IQSEC1: variants seen among roughly 807,000 people sequenced by gnomAD.
The protein encoded by IQSEC1 is IQ motif and Sec7 domain ArfGEF 1, also known as IQ motif and SEC7 domain-containing protein 1.
In IQSEC1, 31 loss-of-function variants were observed where a neutral mutation model predicts 91.0. The ratio of observed to expected loss-of-function variants is 0.34; its 90% confidence interval spans 0.26 to 0.46. The LOEUF is 0.46. Among genes scored for constraint, IQSEC1 ranks in the 20% least tolerant of loss-of-function variants. The pLI is 1.00. For synonymous variants in IQSEC1, 699 were observed against 662.6 expected, an observed-to-expected ratio of 1.05 and a Z score of -0.84; for missense variants, 1,388 against 1,575.6, an observed-to-expected ratio of 0.88 and a Z score of 2.02.
intron 1 of IQSEC1, among the ~76,000 whole-genome samples, chr3:13,250,420 CTTT>C (rs1227236271): frequency 1.5e-5 from 2 of 135,554 alleles, no homozygotes; most frequent in Non-Finnish European, 1.6e-5. Flanking sequence ...CCCCACTTTC[CTTT>C]TTTTTTTTTT....
intron 2 of IQSEC1, among the ~76,000 whole-genome samples, chr3:13,104,450 A>G (rs1284855929): frequency 6.6e-6 from 1 of 152,096 alleles, no homozygotes; most frequent in Non-Finnish European, 1.5e-5. Flanking sequence ...TCTGTAGTCT[A>G]TACAAAAATA....
intron 1 of IQSEC1, among the ~76,000 whole-genome samples, chr3:13,269,302 C>T (rs532384552): frequency 1.1e-4 from 16 of 152,308 alleles, no homozygotes; most frequent in Admixed American, 7.8e-4. Context: ...GAGAAGGCAG[C>T]GCTCTCAGTG....
chr3:12,984,133 A>C (rs1345934575), intron 1 of IQSEC1, among the ~76,000 whole-genome samples: 1 of 152,134 alleles, frequency 6.6e-6, no homozygotes, highest in Non-Finnish European at 1.5e-5. Flanking sequence ...TTCTCTCTGA[A>C]ATTCACCAGG....
intron 2 of IQSEC1, among the ~76,000 whole-genome samples, chr3:13,095,231 C>A (rs1457947788): frequency 1.3e-5 from 2 of 152,042 alleles, no homozygotes; most frequent in Non-Finnish European, 2.9e-5. Flanking sequence ...CCCCGTCGTT[C>A]CTGAAGGCCC....
chr3:13,037,424 G>C (rs142621312), intron 1 of IQSEC1, among the ~76,000 whole-genome samples: 1 of 152,182 alleles, frequency 6.6e-6, no homozygotes, highest in African/African-American at 2.4e-5. Context: ...TACTTAGACC[G>C]GGGCATGGCT....
Position 13,269,856 on chromosome 3 carries a change from C to T in IQSEC1, c.272+12855G>A, listed in dbSNP as rs953655619. Among the ~76,000 whole-genome samples the T allele has an allele frequency of 2.6e-5, 4 of 152,244 alleles. No individual in the cohort carries two copies. In the East Asian group the frequency reaches 7.7e-4, roughly 29 times the overall value. Reference sequence around the variant, plus strand: ...TCCCAGGGAGGGTGGAGGCCAATTCCTCTGCCCTTGAATTTGGGCTGGCCT... The same window carrying T: ...TCCCAGGGAGGGTGGAGGCCAATTCTTCTGCCCTTGAATTTGGGCTGGCCT... On this transcript the variant is annotated intron_variant, in intron 1 of 15. Coordinates refer to the IQSEC1 transcript ENST00000648114.
chr3:13,177,954 C>G (rs1015629834), intron 1 of IQSEC1, among the ~76,000 whole-genome samples: 3 of 152,250 alleles, frequency 2.0e-5, no homozygotes, highest in Non-Finnish European at 2.9e-5. Context: ...TCCCCTAGGC[C>G]TGGGGCTGGG....
intron 1 of IQSEC1, among the ~76,000 whole-genome samples, chr3:13,046,480 G>C (rs1704499010): frequency 6.6e-6 from 1 of 152,210 alleles, no homozygotes; most frequent in South Asian, 2.1e-4. Flanking sequence ...TCTCCTTCCT[G>C]TATAGCATCT....
At chr3:13,082,793 C>G (rs560170654) in intron 2 of IQSEC1, among the ~76,000 whole-genome samples, 70 of 152,334 alleles carry the variant, frequency 4.6e-4, no homozygotes, top group African/African-American at 1.6e-3. Context: ...CCCTGCCCCT[C>G]CTGACCTTCA....
intron 2 of IQSEC1, among the ~76,000 whole-genome samples, chr3:13,144,049 C>T (rs1042263146): frequency 7.2e-5 from 11 of 152,090 alleles, no homozygotes; most frequent in Non-Finnish European, 1.6e-4. Context: ...TGTGAGACTC[C>T]AAAACAGACT....
Position 13,073,165 on chromosome 3 carries a change from T to A in IQSEC1, c.-151A>T. On this transcript the variant is annotated 5_prime_UTR_variant, in exon 1 of 14. Coordinates refer to ENST00000613206, the MANE Select transcript of IQSEC1 (RefSeq NM_001134382.3). The stretch of plus-strand genomic sequence containing the variant: ...CACATTCCCGGGGGTGGCGGGCTCC[T>A]CCAGGGAGGCTGGGGCGGGAGCGGG... 1.6e-5 allele frequency: 8 copies of A among 507,328 alleles called. No individual in the cohort carries two copies. Among genetic ancestry groups the A allele is most frequent in the Non-Finnish European group, 2.5e-5 (7 of 282,614 alleles). The allele number at this position is 507,328 out of a possible 1,614,324, so 31.4% of individuals were successfully genotyped here.
At chr3:13,219,776 G>A (rs551277879) in intron 1 of IQSEC1, among the ~76,000 whole-genome samples, 6 of 152,316 alleles carry the variant, frequency 3.9e-5, no homozygotes, top group African/African-American at 1.2e-4. Flanking sequence ...GAGGTGGGGT[G>A]GTGCCTCTAA....
At chr3:13,200,087 C>T (rs1694213385) in intron 1 of IQSEC1, among the ~76,000 whole-genome samples, 1 of 150,468 alleles carries the variant, frequency 6.6e-6, no homozygotes, top group Non-Finnish European at 1.5e-5. Flanking sequence ...CATGCATATA[C>T]ACAACATGCG....
intron 1 of IQSEC1, among the ~76,000 whole-genome samples, chr3:13,200,728 G>T (rs1694228827): frequency 1.3e-5 from 2 of 152,214 alleles, no homozygotes; most frequent in African/African-American, 2.4e-5. Flanking sequence ...AGCTGGCCCA[G>T]CATGAACACC....
intron 1 of IQSEC1, among the ~76,000 whole-genome samples, chr3:13,254,861 C>T (rs965471724): frequency 6.6e-6 from 1 of 152,198 alleles, no homozygotes; most frequent in African/African-American, 2.4e-5. Context: ...CCCAGCTTTC[C>T]CAGGCCGCAG....
chr3:13,241,462 G>GATGCTGGC (rs1165181368), intron 1 of IQSEC1, among the ~76,000 whole-genome samples: 1 of 152,166 alleles, frequency 6.6e-6, no homozygotes, highest in African/African-American at 2.4e-5. Context: ...CTTTAACCAG[G>GATGCTGGC]ATGCTGGCAG....
intron 1 of IQSEC1, among the ~76,000 whole-genome samples, chr3:13,180,059 C>T (rs550750065): frequency 8.5e-5 from 13 of 152,260 alleles, no homozygotes; most frequent in East Asian, 1.9e-4. Context: ...CCCTGCTCCA[C>T]GGCGCCCAGT....
intron 2 of IQSEC1, among the ~76,000 whole-genome samples, chr3:13,145,304 T>A (rs190449781): frequency 7.8e-4 from 118 of 152,154 alleles, no homozygotes; most frequent in African/African-American, 2.8e-3. Flanking sequence ...GGCTCACTAC[T>A]CTCATCAGTG....
rs552007798 is a variant in IQSEC1 at position 13,270,940 on chromosome 3, A to C, written c.272+11771T>G. 2.0e-5 allele frequency among the ~76,000 whole-genome samples: 3 copies of C among 152,348 alleles called. No individual in the cohort carries two copies. In the East Asian group the frequency reaches 5.8e-4, roughly 29 times the overall value. On this transcript the variant is annotated intron_variant, in intron 1 of 15. Coordinates refer to the IQSEC1 transcript ENST00000648114. The stretch of plus-strand genomic sequence containing the variant: ...ACACAAATAGGCTGAAAATGAAAGG[A>C]TGGAAAAAGATATACAAATGGTAAC...
Sources: gnomAD v4.1 joint callset for allele counts (sites outside exome capture counted in the v4.1 genomes callset) on GRCh38, gnomAD v4.1.1 for gene constraint, MANE v1.5 for transcripts, NCBI Gene and HGNC (gene_info 2026-07-23, HGNC 2026-07-21) for gene names.